ARHGEF28: variants seen among roughly 807,000 people sequenced by gnomAD.
ARHGEF28 encodes the protein 190 kDa guanine nucleotide exchange factor.
A neutral mutation model predicts 206.6 loss-of-function variants in ARHGEF28; 152 were observed. That is an observed-to-expected ratio of 0.74 (90% CI 0.64 to 0.84). The LOEUF (loss-of-function observed/expected upper bound fraction) is 0.84, where lower values mean the gene tolerates loss of function less well. Among genes scored for constraint, ARHGEF28 ranks in the 40% least tolerant of loss-of-function variants. The pLI is 0.00. For synonymous variants in ARHGEF28, 763 were observed against 776.4 expected (o/e 0.98, Z 0.29); for missense variants, 2,028 against 2,073.2 (o/e 0.98, Z 0.42).
At chr5:73,654,306 T>C (rs1001932981) in intron 1 of ARHGEF28, among the ~76,000 whole-genome samples, 3 of 152,172 alleles carry the variant, frequency 2.0e-5, no homozygotes, top group Non-Finnish European at 4.4e-5. Context: ...AAATGTCTGC[T>C]CTGGAGAAAC....
At chr5:73,843,906 G>A (rs568450856) in intron 11 of ARHGEF28, among the ~76,000 whole-genome samples, 6 of 152,086 alleles carry the variant, frequency 3.9e-5, no homozygotes, top group African/African-American at 1.2e-4. Context: ...CACCATGAAC[G>A]TCCCCTATCT....
chr5:73,823,534 T>G (rs1373486591), intron 9 of ARHGEF28, among the ~76,000 whole-genome samples: 1 of 152,204 alleles, frequency 6.6e-6, no homozygotes, highest in African/African-American at 2.4e-5. Context: ...CTTTGAGTCT[T>G]GAGTATCTTG....
intron 1 of ARHGEF28, among the ~76,000 whole-genome samples, chr5:73,648,156 T>A (rs1157226555): frequency 6.6e-6 from 1 of 152,238 alleles, no homozygotes; most frequent in African/African-American, 2.4e-5. Flanking sequence ...TTCTATTTAG[T>A]ATACTTGCCA....
chr5:73,830,095 T>C (rs1406058706), intron 9 of ARHGEF28, among the ~76,000 whole-genome samples: 1 of 152,180 alleles, frequency 6.6e-6, no homozygotes, highest in Non-Finnish European at 1.5e-5. Flanking sequence ...TATTAATATT[T>C]CTGCAGCAAA....
At chr5:73,802,068 G>C (rs1755169555) in intron 9 of ARHGEF28, among the ~76,000 whole-genome samples, 1 of 152,054 alleles carries the variant, frequency 6.6e-6, no homozygotes, top group South Asian at 2.1e-4. Context: ...GATTACAAAA[G>C]GTATTAATGA....
At chr5:73,934,515 G>T (rs760415729) in intron 35 of ARHGEF28, among the ~76,000 whole-genome samples, 3 of 152,140 alleles carry the variant, frequency 2.0e-5, no homozygotes, top group Non-Finnish European at 4.4e-5. Flanking sequence ...GCAGAATTTA[G>T]AAGCTTCTGA....
intron 9 of ARHGEF28, chr5:73,803,501 T>C: frequency 6.4e-6 from 1 of 157,066 alleles, no homozygotes. Flanking sequence ...CCAAGTTTCT[T>C]GTTAAATGCC....
At chr5:73,880,063 G>T (rs1471560608) in intron 22 of ARHGEF28, among the ~76,000 whole-genome samples, 1 of 152,222 alleles carries the variant, frequency 6.6e-6, no homozygotes, top group East Asian at 1.9e-4. Context: ...GCCTCCTTGA[G>T]CTGTGGTGGG....
At chr5:73,715,048 G>T (rs914587709) in intron 2 of ARHGEF28, among the ~76,000 whole-genome samples, 2 of 152,140 alleles carry the variant, frequency 1.3e-5, no homozygotes, top group African/African-American at 4.8e-5. Context: ...TAATTCATGA[G>T]GTTTATTCAT....
intron 9 of ARHGEF28, among the ~76,000 whole-genome samples, chr5:73,831,033 T>C (rs915933959): frequency 6.6e-6 from 1 of 152,236 alleles, no homozygotes; most frequent in Non-Finnish European, 1.5e-5. Flanking sequence ...ACTGAAAATC[T>C]GTTATTACCA....
At chr5:73,646,343 G>A (rs980525247) in intron 1 of ARHGEF28, among the ~76,000 whole-genome samples, 2 of 152,188 alleles carry the variant, frequency 1.3e-5, no homozygotes, top group African/African-American at 4.8e-5. Flanking sequence ...TGATCCATCT[G>A]AAAAGAGATT....
At position 73,909,409 on chromosome 5, in the gene ARHGEF28, C is replaced by T; in HGVS notation, c.4162-3C>T. ...GTGATTTTTCCTCTGTCTGCTCTGA[C>T]AGGCCGCCTTGACCATTCAGGACAG... On this transcript the variant is annotated splice_region_variant and splice_polypyrimidine_tract_variant and intron_variant, in intron 33 of 35. Coordinates refer to ENST00000513042, the MANE Select transcript of ARHGEF28 (RefSeq NM_001177693.2). The T allele has an allele frequency of 6.3e-7, 1 of 1,591,304 alleles. No homozygotes were observed. Among genetic ancestry groups the T allele is most frequent in the Non-Finnish European group, 8.6e-7 (1 of 1,164,454 alleles).
intron 4 of ARHGEF28, among the ~76,000 whole-genome samples, chr5:73,771,228 A>G (rs1316670554): frequency 6.6e-6 from 1 of 152,236 alleles, no homozygotes; most frequent in Admixed American, 6.5e-5. Context: ...CACTATATTC[A>G]GATTAGGAGA....
intron 2 of ARHGEF28, among the ~76,000 whole-genome samples, chr5:73,722,940 A>G (rs1247344597): frequency 6.6e-6 from 1 of 152,224 alleles, no homozygotes; most frequent in Non-Finnish European, 1.5e-5. Context: ...AAATAATTTA[A>G]TATCTTAATT....
At chr5:73,823,443 A>G (rs895771054) in intron 9 of ARHGEF28, among the ~76,000 whole-genome samples, 21 of 152,314 alleles carry the variant, frequency 1.4e-4, no homozygotes, top group African/African-American at 4.8e-4. Context: ...GAAATTACAG[A>G]TAGTAAAGAG....
intron 33 of ARHGEF28, 61 bp downstream of exon 33, chr5:73,904,466 A>G: frequency 1.3e-6 from 2 of 1,495,972 alleles, no homozygotes; most frequent in Non-Finnish European, 1.8e-6. Context: ...ATTCTCTTTG[A>G]TGATTCCCAG....
intron 35 of ARHGEF28, among the ~76,000 whole-genome samples, chr5:73,937,943 T>A (rs1360682232): frequency 1.3e-5 from 2 of 152,260 alleles, no homozygotes; most frequent in African/African-American, 4.8e-5. Flanking sequence ...CTGTCTGACC[T>A]TGCCTACATA....
At chr5:73,820,167 T>C (rs1157027140) in intron 9 of ARHGEF28, among the ~76,000 whole-genome samples, 10 of 152,162 alleles carry the variant, frequency 6.6e-5, no homozygotes, top group African/African-American at 2.4e-4. Context: ...ATCATCTTCA[T>C]GGGGTCCCAC....
At chr5:73,764,371 C>A (rs116374774) in intron 4 of ARHGEF28, among the ~76,000 whole-genome samples, 4,012 of 152,222 alleles carry the variant, frequency 0.026, 188 homozygotes, top group African/African-American at 0.092. Flanking sequence ...AATTGAGTTG[C>A]CATCTTGAAA....
Sources: allele counts gnomAD v4.1 joint callset (sites outside exome capture counted in the v4.1 genomes callset), GRCh38; gene constraint gnomAD v4.1.1; transcripts MANE v1.5; gene names NCBI Gene and HGNC (gene_info 2026-07-23, HGNC 2026-07-21).